The following ZNF664 variants were observed in gnomAD, a reference collection of about 807,000 sequenced individuals.
The protein encoded by ZNF664 is zinc finger Organ of Corti 1.
ZNF664 carries 10 observed loss-of-function variants against 18.2 expected under a neutral mutation model. The ratio of observed to expected loss-of-function variants is 0.55; its 90% CI spans 0.34 to 0.93. The LOEUF is 0.93. Among genes scored for constraint, ZNF664 ranks in the 40% least tolerant of loss-of-function variants. The pLI is 0.02. For synonymous variants in ZNF664, 119 were observed against 104.2 expected (o/e 1.14, Z -0.86); for missense variants, 193 against 319.0 (o/e 0.61, Z 3.01).
intron 2 of ZNF664, among the ~76,000 whole-genome samples, chr12:123,986,311 GA>G (rs1956824526): frequency 1.3e-5 from 2 of 152,220 alleles, no homozygotes; most frequent in South Asian, 4.1e-4. Context: ...TCAGACCCAT[GA>G]GGAACTCAGG....
Position 124,013,141 on chromosome 12 carries a change from A to G in ZNF664, c.*211A>G, listed in dbSNP as rs537056921. 10 of 682,316 alleles carry G rather than the reference A, an allele frequency of 1.5e-5. No individual in the cohort carries two copies. In the Admixed American group the frequency reaches 2.2e-4, roughly 15 times the overall value. The allele number at this position is 682,316 out of a possible 1,614,324, so 42.3% of individuals were successfully genotyped here. A position where few individuals can be genotyped will look rare whatever the true frequency, so the allele number is the denominator to read the frequency against. On this transcript the variant is annotated 3_prime_UTR_variant, in exon 5 of 5. Coordinates refer to ENST00000337815, the MANE Select transcript of ZNF664 (RefSeq NM_152437.3). ...GTGGACCTCTGAGCATCCACGCAGGATGGCTCTCAGGTCCCAGTCACAGAC... is the reference window on the plus strand; with the variant it reads ...GTGGACCTCTGAGCATCCACGCAGGGTGGCTCTCAGGTCCCAGTCACAGAC...
At chr12:123,989,885 T>TTCTAATGACCAAATCCTA (rs11274389) in intron 3 of ZNF664, among the ~76,000 whole-genome samples, 48,830 of 152,074 alleles carry the variant, frequency 0.32, 8,011 homozygotes, top group Middle Eastern at 0.37. Context: ...AGATACTGAA[T>TTCTAATGACCAAATCCTA]TCTATTCTTA....
intron 3 of ZNF664, among the ~76,000 whole-genome samples, chr12:124,002,043 GTTAAA>G: frequency 6.6e-6 from 1 of 152,226 alleles, no homozygotes; most frequent in East Asian, 1.9e-4. Context: ...CTGTACAAAA[GTTAAA>G]TTAAGCAGAA....
At chr12:124,006,558 C>T (rs1223975517) in intron 3 of ZNF664, among the ~76,000 whole-genome samples, 5 of 152,174 alleles carry the variant, frequency 3.3e-5, no homozygotes, top group Non-Finnish European at 7.3e-5. Context: ...TAGTTGCCCT[C>T]AATTTTAATT....
intron 3 of ZNF664, among the ~76,000 whole-genome samples, chr12:123,992,790 C>T (rs1956903812): frequency 6.6e-6 from 1 of 152,086 alleles, no homozygotes; most frequent in African/African-American, 2.4e-5. Flanking sequence ...ACTGACAGGC[C>T]TTTGAGTCAA....
At position 123,973,220 on chromosome 12, in the gene ZNF664, G is replaced by A; in HGVS notation, c.-1024G>A. The A allele has an allele frequency of 1.0e-6, 1 of 986,356 alleles. No individual in the cohort carries two copies. Among genetic ancestry groups the A allele is most frequent in the Non-Finnish European group, 1.2e-6 (1 of 832,386 alleles). 61.1% of individuals were successfully genotyped at this position (986,356 alleles called of 1,614,324 possible). A position where few individuals can be genotyped will look rare whatever the true frequency, so the allele number is the denominator to read the frequency against. ...GGCCTCGTGCGTGCGCACGCGCGCTGTCCCCCGGAGGCGTCTGGGTGTGCG... is the reference window on the plus strand; with the variant it reads ...GGCCTCGTGCGTGCGCACGCGCGCTATCCCCCGGAGGCGTCTGGGTGTGCG... On this transcript the variant is annotated 5_prime_UTR_variant, in exon 1 of 5. Transcript: ENST00000337815.
intron 3 of ZNF664, among the ~76,000 whole-genome samples, chr12:123,999,586 AT>A (rs1471362403): frequency 6.6e-6 from 1 of 152,200 alleles, no homozygotes; most frequent in East Asian, 1.9e-4. Flanking sequence ...ACGACTTTAG[AT>A]TTTTCTGAGC....
chr12:124,012,404 A>G lies in ZNF664; in HGVS notation c.260A>G (p.Tyr87Cys), dbSNP rs1347548869. The part of the protein sequence containing the change: ...HKKIHTVEKP[Y>C]KCYECGKAFN... ...AAAATCCACACAGTGGAGAAGCCCT[A>G]TAAATGTTACGAGTGTGGCAAAGCC... Residue 87 changes from tyrosine (Y) to cysteine (C), a missense_variant, in exon 5 of 5, where the codon TAT becomes TGT. Around this residue, in one of 3 missense-constraint regions of ZNF664, gnomAD observed 90 missense variants for 118.9 expected, o/e 0.76. Transcript: ENST00000337815. 2.5e-6 allele frequency: 4 copies of G among 1,614,258 alleles called. No individual in the cohort carries two copies. Among genetic ancestry groups the G allele is most frequent in the African/African-American group, 1.3e-5 (1 of 75,076 alleles).
chr12:124,012,289 C>A lies in ZNF664; in HGVS notation c.145C>A (p.His49Asn). 6.2e-7 allele frequency: 1 copy of A among 1,614,186 alleles called. No individual in the cohort carries two copies. The highest frequency in any genetic ancestry group is 1.1e-5 in the South Asian group (1 of 91,086). Reference sequence around the variant, plus strand: ...CTTTCATATATCAGAACTTCATATTCATTGGAGAGACCATACAGGAGAGAA... The same window carrying A: ...CTTTCATATATCAGAACTTCATATTAATTGGAGAGACCATACAGGAGAGAA... The part of the protein sequence containing the change: ...GFFHISELHI[H>N]WRDHTGEKVY... Residue 49 changes from histidine to asparagine, a missense_variant, in exon 5 of 5, where the codon CAT (histidine) becomes AAT (asparagine). Transcript: ENST00000337815.
intron 3 of ZNF664, among the ~76,000 whole-genome samples, chr12:124,006,905 G>A (rs556959481): frequency 1.3e-5 from 2 of 152,240 alleles, no homozygotes; most frequent in South Asian, 4.2e-4. Context: ...GAGACATAAG[G>A]GGGAGTCTGG....
chr12:123,986,837 C>G (rs1275961551), intron 2 of ZNF664, among the ~76,000 whole-genome samples: 1 of 152,182 alleles, frequency 6.6e-6, no homozygotes, highest in African/African-American at 2.4e-5. Flanking sequence ...AAACCTGGCC[C>G]AATATCAAGA....
At chr12:123,999,412 T>TTATA (rs1956986343) in intron 3 of ZNF664, among the ~76,000 whole-genome samples, 1 of 152,226 alleles carries the variant, frequency 6.6e-6, no homozygotes, top group Non-Finnish European at 1.5e-5. Flanking sequence ...AAGAGGGGGA[T>TTATA]TATATATAGT....
At chr12:123,993,877 C>T (rs1365156168) in intron 3 of ZNF664, among the ~76,000 whole-genome samples, 2 of 152,162 alleles carry the variant, frequency 1.3e-5, no homozygotes, top group East Asian at 3.9e-4. Context: ...CTGGAGGGCA[C>T]ATACTTTCTC....
Position 123,974,038 on chromosome 12 carries a change from G to A in ZNF664, c.-757+18G>A. 1 of 1,004,460 alleles carries A rather than the reference G, an allele frequency of 1.0e-6. No homozygotes were observed. 62.2% of individuals were successfully genotyped at this position (1,004,460 alleles called of 1,614,324 possible). A position where few individuals can be genotyped will look rare whatever the true frequency, so the allele number is the denominator to read the frequency against. ...TCACCCAGGTAAACCGGCTGCCGGC[G>A]CTGTCCACTTCCCTCTGACTCCCGC... On this transcript the variant is annotated intron_variant, in intron 2 of 4. Coordinates refer to ENST00000337815, the MANE Select transcript of ZNF664 (RefSeq NM_152437.3).
intron 3 of ZNF664, among the ~76,000 whole-genome samples, chr12:123,995,701 C>A (rs778028959): frequency 5.3e-5 from 8 of 152,100 alleles, no homozygotes; most frequent in Non-Finnish European, 1.0e-4. Flanking sequence ...GTGGAGGAAC[C>A]CAGTAGCGCT....
At chr12:124,004,146 A>G (rs1566206287) in intron 3 of ZNF664, among the ~76,000 whole-genome samples, 1 of 152,168 alleles carries the variant, frequency 6.6e-6, no homozygotes, top group African/African-American at 2.4e-5. Flanking sequence ...GGGTTGCTTA[A>G]CACAGATTTG....
In ZNF664 at chr12:123,994,081, G is replaced by A. The variant is rs377610286; in HGVS notation, c.-661+5943G>A. Among the ~76,000 whole-genome samples, 16 of 152,262 alleles carry A rather than the reference G, an allele frequency of 1.1e-4. No individual in the cohort carries two copies. The South Asian group carries it at 3.1e-3, about 30-fold the overall frequency. On this transcript the variant is annotated intron_variant, in intron 3 of 4. Coordinates refer to ENST00000337815, the MANE Select transcript of ZNF664 (RefSeq NM_152437.3). ...TTTAGGTCTCAATCCTCTCATGCAC[G>A]AAACTTCAGAATTATTTTGGAGGAC...
chr12:124,002,260 A>G (rs1957021152), intron 3 of ZNF664, among the ~76,000 whole-genome samples: 2 of 152,154 alleles, frequency 1.3e-5, no homozygotes, highest in African/African-American at 4.8e-5. Flanking sequence ...CTTGAAGACT[A>G]GAAAGGAGAT....
intron 3 of ZNF664, among the ~76,000 whole-genome samples, chr12:124,002,406 G>A (rs1957023016): frequency 6.6e-6 from 1 of 152,236 alleles, no homozygotes; most frequent in African/African-American, 2.4e-5. Flanking sequence ...AAGCAGGGCA[G>A]TGACGTTCTC....
Sources: gnomAD v4.1 joint callset for allele counts (sites outside exome capture counted in the v4.1 genomes callset) on GRCh38, gnomAD v4.1.1 for gene constraint, gnomAD v4.1.1 regional missense constraint, MANE v1.5 for transcripts, NCBI Gene and HGNC (gene_info 2026-07-23, HGNC 2026-07-21) for gene names.